The following ZBTB20 variants were observed in gnomAD, a reference collection of about 807,000 sequenced individuals.
The protein encoded by ZBTB20 is zinc finger and BTB domain containing 20.
Under a neutral mutation model 56.9 loss-of-function variants are expected in ZBTB20, and 9 were observed. That is an observed-to-expected ratio of 0.16 (90% CI 0.10 to 0.28). The LOEUF is 0.28. Ranked by LOEUF, ZBTB20 falls within the 10% of genes least tolerant of loss-of-function variation. The pLI, the probability that ZBTB20 is intolerant of heterozygous loss-of-function variation, is 1.00. For synonymous variants in ZBTB20, 417 were observed against 420.7 expected (o/e 0.99, Z 0.11); for missense variants, 655 against 1,003.0 (o/e 0.65, Z 4.69).
intron 7 of ZBTB20, among the ~76,000 whole-genome samples, chr3:114,478,812 CA>C (rs2041174108): frequency 6.6e-6 from 1 of 152,082 alleles, no homozygotes; most frequent in Admixed American, 6.6e-5. Flanking sequence ...TAGAAGGTCA[CA>C]ATTTTAAAAA....
chr3:114,365,597 T>A (rs958070207), intron 10 of ZBTB20, among the ~76,000 whole-genome samples: 1 of 152,174 alleles, frequency 6.6e-6, no homozygotes, highest in African/African-American at 2.4e-5. Context: ...AGGAAAAAGA[T>A]GAAACAAGGA....
chr3:115,044,624 G>T (rs2081271724), intron 2 of ZBTB20, among the ~76,000 whole-genome samples: 1 of 152,154 alleles, frequency 6.6e-6, no homozygotes, highest in African/African-American at 2.4e-5. Flanking sequence ...AGAATTGCTT[G>T]GGAACCTTTT....
In ZBTB20 at chr3:114,752,724, T is replaced by C. The variant is rs78056095; in HGVS notation, c.-343+48377A>G. Among the ~76,000 whole-genome samples, 1,861 of 152,288 alleles carry C rather than the reference T, an allele frequency of 0.012. 82 individuals are homozygous for C. The East Asian group carries it at 0.14, about 11-fold the overall frequency. ...TGCTGGGAAGCCTTTCCTGTTGCTGTACTCTCTGACCTTTTGAAGGACAGT... is the reference window on the plus strand; with the variant it reads ...TGCTGGGAAGCCTTTCCTGTTGCTGCACTCTCTGACCTTTTGAAGGACAGT... On this transcript the variant is annotated intron_variant, in intron 5 of 11. Coordinates refer to ENST00000675478, the MANE Select transcript of ZBTB20 (RefSeq NM_001348800.3).
chr3:114,851,232 T>C (rs553534928), intron 4 of ZBTB20, among the ~76,000 whole-genome samples: 17 of 152,308 alleles, frequency 1.1e-4, no homozygotes, highest in Non-Finnish European at 1.8e-4. Flanking sequence ...TGGAAAAAAG[T>C]TGGTAACACA....
At chr3:114,465,961 A>G (rs2092533745) in intron 7 of ZBTB20, among the ~76,000 whole-genome samples, 2 of 152,102 alleles carry the variant, frequency 1.3e-5, no homozygotes, top group South Asian at 2.1e-4. Flanking sequence ...CTTTGCGACA[A>G]TAATTAACAA....
chr3:115,122,700 T>C (rs958234005), intron 1 of ZBTB20, among the ~76,000 whole-genome samples: 2 of 152,126 alleles, frequency 1.3e-5, no homozygotes, highest in African/African-American at 2.4e-5. Flanking sequence ...TTCTTCATCT[T>C]TCTGACCATA....
intron 5 of ZBTB20, among the ~76,000 whole-genome samples, chr3:114,756,158 CAAAT>C (rs930859833): frequency 1.4e-4 from 22 of 151,866 alleles, no homozygotes; most frequent in South Asian, 8.3e-4. Context: ...GTAAATAAGA[CAAAT>C]AAACAAAACA....
At chr3:114,727,177 G>C (rs946729120) in intron 5 of ZBTB20, among the ~76,000 whole-genome samples, 15 of 152,034 alleles carry the variant, frequency 9.9e-5, no homozygotes, top group African/African-American at 3.6e-4. Flanking sequence ...GGAATGAAGA[G>C]GCCCATGATC....
intron 5 of ZBTB20, among the ~76,000 whole-genome samples, chr3:114,745,592 T>C (rs1281402665): frequency 6.6e-6 from 1 of 152,212 alleles, no homozygotes; most frequent in South Asian, 2.1e-4. Flanking sequence ...GAACCTTTTC[T>C]GTTCCTGATC....
At chr3:114,706,318 A>G (rs1446552996) in intron 5 of ZBTB20, among the ~76,000 whole-genome samples, 1 of 152,176 alleles carries the variant, frequency 6.6e-6, no homozygotes, top group Non-Finnish European at 1.5e-5. Flanking sequence ...TATATTTAAG[A>G]AGTCTATTTG....
At chr3:114,763,077 AC>A (rs1372443348) in intron 5 of ZBTB20, among the ~76,000 whole-genome samples, 1 of 152,162 alleles carries the variant, frequency 6.6e-6, no homozygotes, top group Non-Finnish European at 1.5e-5. Context: ...ACTTAGTGAG[AC>A]CTAGATAATG....
At chr3:114,396,830 CA>C (rs2086374318) in intron 7 of ZBTB20, among the ~76,000 whole-genome samples, 1 of 152,114 alleles carries the variant, frequency 6.6e-6, no homozygotes, top group Non-Finnish European at 1.5e-5. Flanking sequence ...TAATTTAATC[CA>C]AAAACTCATT....
intron 6 of ZBTB20, among the ~76,000 whole-genome samples, chr3:114,635,200 CAT>C (rs924229201): frequency 6.6e-6 from 1 of 152,152 alleles, no homozygotes; most frequent in Non-Finnish European, 1.5e-5. Flanking sequence ...AAGAAAAAAA[CAT>C]AGAACCGAGC....
chr3:114,998,919 G>C (rs2079132398), intron 2 of ZBTB20, among the ~76,000 whole-genome samples: 1 of 149,466 alleles, frequency 6.7e-6, no homozygotes, highest in Non-Finnish European at 1.5e-5. Context: ...TATAGTAACT[G>C]AAGCCAGAAA....
chr3:114,832,927 G>A (rs534406038), intron 4 of ZBTB20, among the ~76,000 whole-genome samples: 5 of 152,212 alleles, frequency 3.3e-5, no homozygotes, highest in South Asian at 4.1e-4. Context: ...TAACACGGCC[G>A]TTAAATAATT....
chr3:114,656,683 T>C (rs1047969344), intron 6 of ZBTB20, among the ~76,000 whole-genome samples: 1 of 152,214 alleles, frequency 6.6e-6, no homozygotes, highest in African/African-American at 2.4e-5. Context: ...ACTTTTTACT[T>C]ATTTTTGAAA....
At chr3:115,012,269 T>C (rs754969804) in intron 2 of ZBTB20, among the ~76,000 whole-genome samples, 6 of 151,642 alleles carry the variant, frequency 4.0e-5, no homozygotes, top group South Asian at 4.1e-4. Flanking sequence ...AGACACAAAG[T>C]GGATGAATGA....
chr3:114,563,486 T>C (rs946348594), intron 6 of ZBTB20, among the ~76,000 whole-genome samples: 1 of 152,222 alleles, frequency 6.6e-6, no homozygotes, highest in African/African-American at 2.4e-5. Flanking sequence ...TTAAACATTA[T>C]GAAATTGCCA....
In ZBTB20 at chr3:115,094,446, T is replaced by A. The variant is rs2083306740; in HGVS notation, c.-702-23032A>T. Among the ~76,000 whole-genome samples the A allele has an allele frequency of 2.0e-5, 3 of 152,074 alleles. No homozygotes were observed. In the South Asian group the frequency reaches 6.2e-4, roughly 31 times the overall value. On this transcript the variant is annotated intron_variant, in intron 1 of 11. Coordinates refer to ENST00000675478, the MANE Select transcript of ZBTB20 (RefSeq NM_001348800.3). ...GGTGCCTAAATAAGATATTTTTGTT[T>A]ATTTAAAATGAAGCCACATAGTTTT...
Sources: allele counts gnomAD v4.1 joint callset (sites outside exome capture counted in the v4.1 genomes callset), GRCh38; gene constraint gnomAD v4.1.1; transcripts MANE v1.5; gene names NCBI Gene and HGNC (gene_info 2026-07-23, HGNC 2026-07-21).